KIF15: variants seen among roughly 807,000 people sequenced by gnomAD.
KIF15 encodes the protein kinesin family member 15, also known as kinesin-like protein KIF15.
Under a neutral mutation model 190.6 loss-of-function variants are expected in KIF15, and 140 were observed. The ratio of observed to expected loss-of-function variants is 0.73; its 90% CI spans 0.64 to 0.84. The LOEUF is 0.84. KIF15 is among the 40% of genes least tolerant of loss of function. KIF15 has a pLI of 0.00. For missense variants in KIF15, 1,372 were observed against 1,584.4 expected (o/e 0.87, Z 2.28); for synonymous variants, 528 against 551.3 (o/e 0.96, Z 0.59).
At chr3:44,821,191 C>T (rs1270853923) in intron 20 of KIF15, among the ~76,000 whole-genome samples, 5 of 148,526 alleles carry the variant, frequency 3.4e-5, no homozygotes, top group African/African-American at 1.3e-4. Context: ...CCTCACTTCC[C>T]AGTAGGGGCG....
intron 16 of KIF15, among the ~76,000 whole-genome samples, chr3:44,809,282 GT>G (rs1014916119): frequency 6.6e-6 from 1 of 151,992 alleles, no homozygotes; most frequent in African/African-American, 2.4e-5. Flanking sequence ...AAAAACTATT[GT>G]TTTTTTATAT....
At chr3:44,832,503 C>G (rs1427752928) in intron 26 of KIF15, among the ~76,000 whole-genome samples, 1 of 152,070 alleles carries the variant, frequency 6.6e-6, no homozygotes, top group Non-Finnish European at 1.5e-5. Flanking sequence ...AGAGTGGGCA[C>G]CAAGCTTTCT....
chr3:44,813,333 G>C, intron 19 of KIF15, 153 bp downstream of exon 19: 1 of 515,770 alleles, frequency 1.9e-6, no homozygotes, highest in Non-Finnish European at 3.4e-6. Flanking sequence ...GCATGCAGTG[G>C]TAAGTAACAG....
At chr3:44,821,237 C>T (rs1237674277) in intron 20 of KIF15, among the ~76,000 whole-genome samples, 24 of 138,188 alleles carry the variant, frequency 1.7e-4, no homozygotes, top group Middle Eastern at 0.011. Context: ...CCGGACGGGG[C>T]GGCTGGCCGG....
At chr3:44,798,942 C>A (rs1358990109) in intron 10 of KIF15, among the ~76,000 whole-genome samples, 1 of 152,196 alleles carries the variant, frequency 6.6e-6, no homozygotes, top group East Asian at 1.9e-4. Context: ...TGCTTTCAGA[C>A]CAACTGGCTG....
intron 7 of KIF15, among the ~76,000 whole-genome samples, chr3:44,790,134 T>C (rs1031176322): frequency 1.3e-5 from 2 of 152,124 alleles, no homozygotes; most frequent in Non-Finnish European, 2.9e-5. Flanking sequence ...ACTTTCATAC[T>C]GCATTGTTTA....
At chr3:44,776,990 A>AT (rs371067828) in intron 3 of KIF15, among the ~76,000 whole-genome samples, 57,357 of 116,744 alleles carry the variant, frequency 0.49, 15,332 homozygotes, top group East Asian at 0.81. Flanking sequence ...AACATCACAG[A>AT]TTTTTTTTTT....
intron 19 of KIF15, 41 bp downstream of exon 19, chr3:44,813,221 CTG>C: frequency 9.2e-7 from 1 of 1,083,016 alleles, no homozygotes; most frequent in South Asian, 1.4e-5. Flanking sequence ...TGAAGGAATA[CTG>C]TAACTCAATA....
chr3:44,794,793 C>G (rs1295605398), intron 8 of KIF15, among the ~76,000 whole-genome samples: 3 of 152,020 alleles, frequency 2.0e-5, no homozygotes, highest in African/African-American at 7.2e-5. Context: ...AATCCCGTCT[C>G]TACTAAAAAA....
chr3:44,778,845 G>T (rs1398681547), intron 4 of KIF15, among the ~76,000 whole-genome samples: 1 of 151,758 alleles, frequency 6.6e-6, no homozygotes, highest in African/African-American at 2.4e-5. Flanking sequence ...AGCTGGATGT[G>T]GTAGTGGTCG....
intron 22 of KIF15, chr3:44,826,921 T>C: frequency 2.3e-6 from 1 of 425,940 alleles, no homozygotes; most frequent in South Asian, 1.7e-5. Flanking sequence ...AGGCTGAGAG[T>C]CACTCTAATG....
chr3:44,852,002 T>C lies in KIF15; in HGVS notation c.3972+50T>C, dbSNP rs369937421. 1.3e-4 allele frequency: 209 copies of C among 1,554,944 alleles called. No homozygotes were observed. In the East Asian group the frequency reaches 4.4e-3, roughly 32 times the overall value. Reference sequence around the variant, plus strand: ...ATGATACTTAGAACACTCAAATGAATAGAACTAATTAGCGTAAAACTCACT... The same window carrying C: ...ATGATACTTAGAACACTCAAATGAACAGAACTAATTAGCGTAAAACTCACT... On this transcript the variant is annotated intron_variant, in intron 33 of 34. Transcript: ENST00000326047.
chr3:44,796,439 C>T (rs949161946), intron 8 of KIF15, among the ~76,000 whole-genome samples: 1 of 152,138 alleles, frequency 6.6e-6, no homozygotes, highest in African/African-American at 2.4e-5. Flanking sequence ...TTTAACCTTC[C>T]CAACAACTCT....
At chr3:44,818,863 C>T (rs777637815) in intron 20 of KIF15, among the ~76,000 whole-genome samples, 3 of 152,106 alleles carry the variant, frequency 2.0e-5, no homozygotes, top group Admixed American at 1.3e-4. Context: ...GCTGTGAATC[C>T]GTCTGGTCCT....
chr3:44,822,097 C>T (rs1002608488), intron 20 of KIF15, among the ~76,000 whole-genome samples: 3 of 152,166 alleles, frequency 2.0e-5, no homozygotes, highest in Non-Finnish European at 4.4e-5. Context: ...TTCTTCCTAG[C>T]GTCGATGGTC....
intron 6 of KIF15, among the ~76,000 whole-genome samples, chr3:44,868,462 G>C (rs2125742031): frequency 6.6e-6 from 1 of 152,236 alleles, no homozygotes; most frequent in South Asian, 2.1e-4. Context: ...GTGTGAACAT[G>C]TTTTCAATTC....
At chr3:44,863,207 G>A (rs1163604196) in intron 6 of KIF15, 1 of 150,110 alleles carries the variant, frequency 6.7e-6, no homozygotes, top group Non-Finnish European at 1.5e-5. Context: ...TGAACACCCT[G>A]GTGTAAGTTA....
intron 31 of KIF15, 110 bp from the exon 32 acceptor site, chr3:44,848,411 G>C (rs1400693852): frequency 1.6e-6 from 1 of 607,788 alleles, no homozygotes; most frequent in Non-Finnish European, 2.9e-6. Context: ...ATATTGGTTT[G>C]ATTTTATTCA....
At chr3:44,767,691 G>T (rs113090328) in intron 1 of KIF15, among the ~76,000 whole-genome samples, 1 of 150,064 alleles carries the variant, frequency 6.7e-6, no homozygotes. Context: ...GTCAGGAGAT[G>T]GAGACCATCC....
Sources: allele counts gnomAD v4.1 joint callset (sites outside exome capture counted in the v4.1 genomes callset), GRCh38; gene constraint gnomAD v4.1.1; transcripts MANE v1.5; gene names NCBI Gene and HGNC (gene_info 2026-07-23, HGNC 2026-07-21).